ERBB4: variants seen among roughly 807,000 people sequenced by gnomAD.
The protein encoded by ERBB4 is receptor tyrosine-protein kinase erbB-4.
A neutral mutation model predicts 158.0 loss-of-function variants in ERBB4; 42 were observed. The ratio of observed to expected loss-of-function variants is 0.27; its 90% CI spans 0.21 to 0.34. The LOEUF (loss-of-function observed/expected upper bound fraction) is 0.34, where lower values mean the gene tolerates loss of function less well. Among genes scored for constraint, ERBB4 ranks in the 10% least tolerant of loss-of-function variants. The probability of loss-of-function intolerance (pLI) is 1.00; values close to 1 mark genes in which losing one functional copy is unlikely to be tolerated. For synonymous variants in ERBB4, 583 were observed against 558.7 expected (o/e 1.04, Z -0.61); for missense variants, 1,333 against 1,624.1 (o/e 0.82, Z 3.08).
intron 3 of ERBB4, among the ~76,000 whole-genome samples, chr2:211,942,569 C>A (rs2080533580): frequency 6.6e-6 from 1 of 151,900 alleles, no homozygotes; most frequent in Non-Finnish European, 1.5e-5. Context: ...ATATTATTTT[C>A]ATTACTATTG....
chr2:212,035,298 C>G (rs2076988233), intron 2 of ERBB4, among the ~76,000 whole-genome samples: 1 of 152,096 alleles, frequency 6.6e-6, no homozygotes, highest in Admixed American at 6.6e-5. Flanking sequence ...CAGAACTTAA[C>G]TGTTTTATTT....
intron 25 of ERBB4, among the ~76,000 whole-genome samples, chr2:211,409,483 A>ATGAC: frequency 6.6e-6 from 1 of 152,306 alleles, no homozygotes; most frequent in Non-Finnish European, 1.5e-5. Context: ...CAAGTAGGTA[A>ATGAC]TGACTGAGTC....
chr2:212,454,147 GC>G (rs1267806323), intron 1 of ERBB4, among the ~76,000 whole-genome samples: 2 of 151,988 alleles, frequency 1.3e-5, no homozygotes, highest in African/African-American at 2.4e-5. Context: ...CACTATGTTG[GC>G]CAGGCTGGTC....
In ERBB4 at chr2:211,657,827, A is replaced by C; in HGVS notation, c.1873T>G (p.Cys625Gly). The change falls in exon 16 of 28, where the codon TGT becomes GGT. Residue 625 changes from cysteine (C) to glycine (G), a missense_variant and splice_region_variant. By Grantham distance (159) the Cys-to-Gly change is radical. Transcript: ENST00000342788. ...HPCHPNCTQG[C>G]NGPTSHDCIY... Reference sequence around the variant, plus strand: ...CAGTCATGACTAGTGGGACCGTTACACCTGCAGGCAATTACAGAACAGAAA... The same window carrying C: ...CAGTCATGACTAGTGGGACCGTTACCCCTGCAGGCAATTACAGAACAGAAA... 6.2e-7 allele frequency: 1 copy of C among 1,613,710 alleles called. No homozygotes were observed.
Position 211,849,778 on chromosome 2 carries a change from T to C in ERBB4, c.422-61619A>G, listed in dbSNP as rs867910410. On this transcript the variant is annotated intron_variant, in intron 3 of 27. Transcript: ENST00000342788. ...GGCATTTTTATTAAGATCATCTTTC[T>C]ATATTGGCATTCCAAAGAGTAGAAC... Among the ~76,000 whole-genome samples the C allele has an allele frequency of 3.2e-4, 48 of 152,116 alleles. 1 individual carries two copies. Among genetic ancestry groups the C allele is most frequent in the African/African-American group, 1.1e-3 (44 of 41,554 alleles).
At chr2:211,502,070 T>C (rs546158151) in intron 20 of ERBB4, among the ~76,000 whole-genome samples, 2 of 152,236 alleles carry the variant, frequency 1.3e-5, no homozygotes, top group Non-Finnish European at 2.9e-5. Flanking sequence ...GCCAAAGAAA[T>C]GAGTTCAAAA....
intron 15 of ERBB4, among the ~76,000 whole-genome samples, chr2:211,664,889 A>G (rs2071569487): frequency 6.6e-6 from 1 of 152,182 alleles, no homozygotes; most frequent in African/African-American, 2.4e-5. Context: ...TTAAGGTAGT[A>G]TTTATCAAAG....
At chr2:211,587,753 G>A (rs1254650731) in intron 19 of ERBB4, among the ~76,000 whole-genome samples, 2 of 152,118 alleles carry the variant, frequency 1.3e-5, no homozygotes, top group South Asian at 2.1e-4. Context: ...AAATGCTGGC[G>A]TGTATTGCCA....
intron 1 of ERBB4, among the ~76,000 whole-genome samples, chr2:212,282,237 T>C (rs1384036826): frequency 6.6e-6 from 1 of 151,886 alleles, no homozygotes. Flanking sequence ...AATTCCCTCA[T>C]TTTATAGGCA....
intron 14 of ERBB4, among the ~76,000 whole-genome samples, chr2:211,668,359 T>C (rs2071707406): frequency 6.6e-6 from 1 of 152,202 alleles, no homozygotes; most frequent in South Asian, 2.1e-4. Flanking sequence ...CCCCATCTCA[T>C]TTCCATAATA....
At position 212,060,769 on chromosome 2, in the gene ERBB4, T is replaced by A. The variant is rs537251833; in HGVS notation, c.234+63983A>T. ...GATGGGAATTGAACAATGAGAACAT[T>A]TGGACACAGGAAGGGGAACATCACA... On this transcript the variant is annotated intron_variant, in intron 2 of 27. Transcript: ENST00000342788. 2.5e-4 allele frequency among the ~76,000 whole-genome samples: 37 copies of A among 148,284 alleles called. No homozygotes were observed. The South Asian group carries it at 7.2e-3, about 29-fold the overall frequency.
intron 3 of ERBB4, among the ~76,000 whole-genome samples, chr2:211,944,765 C>A (rs2080631337): frequency 6.6e-6 from 1 of 152,084 alleles, no homozygotes; most frequent in African/African-American, 2.4e-5. Flanking sequence ...ACACAAGTTG[C>A]TGGGCCCCAC....
intron 3 of ERBB4, among the ~76,000 whole-genome samples, chr2:211,825,383 C>T (rs987699980): frequency 1.2e-4 from 18 of 151,660 alleles, no homozygotes; most frequent in Non-Finnish European, 2.1e-4. Context: ...TTGAAAAGAG[C>T]AAAAGATGGC....
At chr2:211,890,838 T>C (rs2106184600) in intron 3 of ERBB4, among the ~76,000 whole-genome samples, 1 of 71,608 alleles carries the variant, frequency 1.4e-5, no homozygotes, top group Non-Finnish European at 2.7e-5. Context: ...AAGGGATCAA[T>C]TCAACAAGAA....
At chr2:212,243,157 G>A (rs1311199109) in intron 1 of ERBB4, among the ~76,000 whole-genome samples, 2 of 152,082 alleles carry the variant, frequency 1.3e-5, no homozygotes, top group Admixed American at 6.6e-5. Flanking sequence ...CACAGAACGG[G>A]TTCTTCCTTA....
intron 25 of ERBB4, among the ~76,000 whole-genome samples, chr2:211,401,316 G>A (rs952421508): frequency 1.3e-5 from 2 of 151,998 alleles, no homozygotes; most frequent in African/African-American, 4.8e-5. Context: ...ATGAGGGTGA[G>A]AAAGTCAATG....
At chr2:212,278,222 T>C (rs1477649661) in intron 1 of ERBB4, among the ~76,000 whole-genome samples, 2 of 151,780 alleles carry the variant, frequency 1.3e-5, no homozygotes, top group African/African-American at 2.4e-5. Flanking sequence ...ACATAAAATA[T>C]TGGTAGCTGC....
chr2:211,706,881 T>C (rs561653300), intron 9 of ERBB4, among the ~76,000 whole-genome samples: 4 of 152,272 alleles, frequency 2.6e-5, no homozygotes, highest in South Asian at 4.1e-4. Context: ...AGCAAAGATA[T>C]ATGGAACAAA....
intron 2 of ERBB4, among the ~76,000 whole-genome samples, chr2:212,082,699 T>C (rs539634743): frequency 9.9e-5 from 15 of 152,168 alleles, no homozygotes; most frequent in African/African-American, 3.4e-4. Flanking sequence ...TGAACAATTT[T>C]GATGTCCCTA....
Sources: allele counts gnomAD v4.1 joint callset (sites outside exome capture counted in the v4.1 genomes callset), GRCh38; gene constraint gnomAD v4.1.1; transcripts MANE v1.5; gene names NCBI Gene and HGNC (gene_info 2026-07-23, HGNC 2026-07-21).